Variants in CNTN5 observed in about 807,000 individuals in gnomAD.
The protein encoded by CNTN5 is contactin 5.
A neutral mutation model predicts 129.1 loss-of-function variants in CNTN5; 77 were observed. That is an observed-to-expected ratio of 0.60 (90% CI 0.50 to 0.72). The LOEUF (loss-of-function observed/expected upper bound fraction) is 0.72, where lower values mean the gene tolerates loss of function less well. Among genes scored for constraint, CNTN5 ranks in the 30% least tolerant of loss-of-function variants. The probability of loss-of-function intolerance (pLI) is 0.00; values close to 1 mark genes in which losing one functional copy is unlikely to be tolerated. For missense variants in CNTN5, 1,478 were observed against 1,328.8 expected (o/e 1.11, Z -1.75); for synonymous variants, 509 against 465.6 (o/e 1.09, Z -1.20).
chr11:99,687,574 T>C (rs1953849258), intron 3 of CNTN5, among the ~76,000 whole-genome samples: 1 of 152,200 alleles, frequency 6.6e-6, no homozygotes, highest in Non-Finnish European at 1.5e-5. Context: ...CCATACTTTA[T>C]GGGCTGTAGC....
chr11:99,326,498 A>T (rs992073625), intron 2 of CNTN5, among the ~76,000 whole-genome samples: 1 of 152,240 alleles, frequency 6.6e-6, no homozygotes, highest in Middle Eastern at 3.4e-3. Flanking sequence ...GAAGTTACTA[A>T]ATGTGGATGT....
intron 1 of CNTN5, among the ~76,000 whole-genome samples, chr11:99,028,349 G>A (rs551396229): frequency 6.6e-6 from 1 of 150,898 alleles, no homozygotes; most frequent in Non-Finnish European, 1.5e-5. Flanking sequence ...GAATATAAAA[G>A]AGAATAAATA....
At chr11:99,311,031 A>C (rs1168664279) in intron 1 of CNTN5, among the ~76,000 whole-genome samples, 1 of 152,084 alleles carries the variant, frequency 6.6e-6, no homozygotes, top group East Asian at 1.9e-4. Flanking sequence ...TCCCAAGTTC[A>C]AGCAATTCTC....
chr11:100,274,032 G>C (rs1455374835), intron 18 of CNTN5, among the ~76,000 whole-genome samples: 1 of 152,108 alleles, frequency 6.6e-6, no homozygotes, highest in Non-Finnish European at 1.5e-5. Flanking sequence ...ACATACAGAT[G>C]AGCGGAACAG....
At chr11:99,851,466 A>G (rs141071442) in intron 6 of CNTN5, among the ~76,000 whole-genome samples, 37 of 152,314 alleles carry the variant, frequency 2.4e-4, no homozygotes, top group African/African-American at 8.4e-4. Context: ...AATACACCAT[A>G]TAAAACTTTG....
chr11:100,060,706 C>T (rs1175224219), intron 9 of CNTN5, among the ~76,000 whole-genome samples: 1 of 146,294 alleles, frequency 6.8e-6, no homozygotes, highest in African/African-American at 2.6e-5. Flanking sequence ...GTGGCGCGAT[C>T]TCGGCTCACT....
intron 20 of CNTN5, among the ~76,000 whole-genome samples, chr11:100,302,983 C>T (rs1403973018): frequency 6.6e-6 from 1 of 151,524 alleles, no homozygotes; most frequent in Non-Finnish European, 1.5e-5. Flanking sequence ...TTACTATTGC[C>T]CTAGAGTACT....
chr11:100,314,082 G>A (rs1057243918), intron 21 of CNTN5, among the ~76,000 whole-genome samples: 1 of 152,080 alleles, frequency 6.6e-6, no homozygotes, highest in Admixed American at 6.6e-5. Flanking sequence ...AGAATGGTTG[G>A]TGGAAATAGT....
chr11:99,961,980 ATATAGT>A (rs67840174), intron 8 of CNTN5, among the ~76,000 whole-genome samples: 22,667 of 151,946 alleles, frequency 0.15, 2,176 homozygotes, highest in African/African-American at 0.27. Flanking sequence ...ATATAGATAG[ATATAGT>A]TATATATACA....
chr11:99,632,282 A>T (rs665986), intron 3 of CNTN5, among the ~76,000 whole-genome samples: 3 of 151,904 alleles, frequency 2.0e-5, no homozygotes, highest in Non-Finnish European at 4.4e-5. Context: ...GTAAATGTTC[A>T]TAGTAATTAT....
chr11:100,292,541 A>C (rs572419952), intron 18 of CNTN5, among the ~76,000 whole-genome samples: 3 of 152,082 alleles, frequency 2.0e-5, no homozygotes, highest in Non-Finnish European at 4.4e-5. Flanking sequence ...AAAACTCCGA[A>C]ACTCAGTACA....
chr11:99,800,799 A>C (rs1041435877), intron 3 of CNTN5, among the ~76,000 whole-genome samples: 3 of 151,994 alleles, frequency 2.0e-5, no homozygotes, highest in Non-Finnish European at 2.9e-5. Flanking sequence ...TTTACACTGA[A>C]CCTGTGGGTG....
At chr11:99,835,177 G>T (rs1947263716) in intron 4 of CNTN5, among the ~76,000 whole-genome samples, 1 of 152,304 alleles carries the variant, frequency 6.6e-6, no homozygotes, top group Admixed American at 6.5e-5. Flanking sequence ...ACCTAAAATT[G>T]GTTCAGATGC....
chr11:99,427,676 G>A (rs1289929525), intron 2 of CNTN5, among the ~76,000 whole-genome samples: 1 of 138,108 alleles, frequency 7.2e-6, no homozygotes, highest in Non-Finnish European at 1.5e-5. Flanking sequence ...TGAGGAAGGA[G>A]AATCACTTGA....
At chr11:99,374,814 C>T (rs981970069) in intron 2 of CNTN5, among the ~76,000 whole-genome samples, 1 of 142,290 alleles carries the variant, frequency 7.0e-6, no homozygotes, top group East Asian at 2.0e-4. Context: ...AATATTGGTG[C>T]CACCAAATGC....
intron 3 of CNTN5, among the ~76,000 whole-genome samples, chr11:99,766,211 T>C (rs1222503067): frequency 6.6e-6 from 1 of 152,090 alleles, no homozygotes; most frequent in African/African-American, 2.4e-5. Context: ...TCAAAAGGTA[T>C]TTCTGGAAGT....
intron 13 of CNTN5, among the ~76,000 whole-genome samples, chr11:100,177,476 T>C (rs1948003547): frequency 6.6e-6 from 1 of 152,170 alleles, no homozygotes; most frequent in Admixed American, 6.5e-5. Context: ...ACCTGGAATT[T>C]AGAAACTACT....
chr11:99,733,877 T>G (rs773546526), intron 3 of CNTN5, among the ~76,000 whole-genome samples: 1 of 152,184 alleles, frequency 6.6e-6, no homozygotes, highest in Non-Finnish European at 1.5e-5. Context: ...ACTTATGAAC[T>G]GGCAGGTCCA....
chr11:99,306,746 GATAATA>G (rs3084742), intron 1 of CNTN5, among the ~76,000 whole-genome samples: 61,018 of 146,640 alleles, frequency 0.42, 13,030 homozygotes, highest in East Asian at 0.58. Flanking sequence ...AAATAATGAT[GATAATA>G]ATAATAATAA....
Sources: gnomAD v4.1 joint callset for allele counts (sites outside exome capture counted in the v4.1 genomes callset) on GRCh38, gnomAD v4.1.1 for gene constraint, MANE v1.5 for transcripts, NCBI Gene and HGNC (gene_info 2026-07-23, HGNC 2026-07-21) for gene names.